Variants in PTPRM observed in about 807,000 individuals in gnomAD.
PTPRM encodes the protein receptor-type tyrosine-protein phosphatase mu.
PTPRM carries 47 observed loss-of-function variants against 186.7 expected under a neutral mutation model. The ratio of observed to expected loss-of-function variants is 0.25; its 90% CI spans 0.20 to 0.32. The LOEUF is 0.32. Among genes scored for constraint, PTPRM ranks in the 10% least tolerant of loss-of-function variants. PTPRM has a pLI of 1.00. For missense variants in PTPRM, 1,494 were observed against 1,865.0 expected (o/e 0.80, Z 3.66); for synonymous variants, 668 against 674.9 (o/e 0.99, Z 0.16).
chr18:8,177,459 G>C (rs1239685900), intron 14 of PTPRM, among the ~76,000 whole-genome samples: 1 of 152,222 alleles, frequency 6.6e-6, no homozygotes, highest in Non-Finnish European at 1.5e-5. Flanking sequence ...AGGCTGGGCT[G>C]GTTACAGCAG....
intron 5 of PTPRM, among the ~76,000 whole-genome samples, chr18:7,945,390 G>A (rs1041992112): frequency 2.6e-5 from 4 of 151,764 alleles, no homozygotes; most frequent in Admixed American, 1.3e-4. Context: ...GCGTGAACCC[G>A]GGAGGCAGAG....
chr18:8,339,415 G>C (rs748145819), intron 22 of PTPRM, among the ~76,000 whole-genome samples: 2 of 152,174 alleles, frequency 1.3e-5, no homozygotes, highest in South Asian at 2.1e-4. Context: ...ATCTGTAAAC[G>C]CACCACCACA....
intron 2 of PTPRM, among the ~76,000 whole-genome samples, chr18:7,864,452 G>A (rs1406647090): frequency 6.6e-6 from 1 of 152,156 alleles, no homozygotes; most frequent in East Asian, 1.9e-4. Flanking sequence ...ATTAAATAGG[G>A]AATCCTTTCC....
At chr18:7,595,141 G>T (rs1411169527) in intron 1 of PTPRM, among the ~76,000 whole-genome samples, 1 of 152,178 alleles carries the variant, frequency 6.6e-6, no homozygotes, top group African/African-American at 2.4e-5. Flanking sequence ...TCTTGGTTGT[G>T]ATCCTAGAGC....
chr18:7,807,655 C>A (rs2044299623), intron 2 of PTPRM, among the ~76,000 whole-genome samples: 1 of 152,072 alleles, frequency 6.6e-6, no homozygotes, highest in Non-Finnish European at 1.5e-5. Context: ...TTTTTGGAAG[C>A]CCCCAAGTGA....
intron 1 of PTPRM, among the ~76,000 whole-genome samples, chr18:7,674,594 C>T (rs1034650752): frequency 6.6e-6 from 1 of 152,132 alleles, no homozygotes; most frequent in South Asian, 2.1e-4. Flanking sequence ...CTGAGAAGGC[C>T]GAAGTTTGAG....
intron 24 of PTPRM, among the ~76,000 whole-genome samples, chr18:8,374,365 C>T (rs1598488002): frequency 6.6e-6 from 1 of 152,112 alleles, no homozygotes; most frequent in East Asian, 1.9e-4. Context: ...GAAAGATATG[C>T]CCCTTTTTTC....
intron 2 of PTPRM, among the ~76,000 whole-genome samples, chr18:7,778,768 C>G (rs2042713797): frequency 6.6e-6 from 1 of 152,218 alleles, no homozygotes; most frequent in Non-Finnish European, 1.5e-5. Context: ...GCATGAGCCA[C>G]TGCACCCAGC....
At chr18:7,710,788 C>G (rs572207952) in intron 1 of PTPRM, among the ~76,000 whole-genome samples, 16 of 152,106 alleles carry the variant, frequency 1.1e-4, no homozygotes, top group African/African-American at 3.1e-4. Flanking sequence ...AACTCAATCC[C>G]TTTTACAGCA....
At chr18:8,240,843 A>AAAGAAAG (rs1184807842) in intron 14 of PTPRM, among the ~76,000 whole-genome samples, 25 of 80,046 alleles carry the variant, frequency 3.1e-4, no homozygotes, top group African/African-American at 1.5e-3. Flanking sequence ...AGAAAGAAAG[A>AAAGAAAG]AAAGAAAGAA....
intron 1 of PTPRM, among the ~76,000 whole-genome samples, chr18:7,577,597 A>T (rs2036721671): frequency 6.6e-6 from 1 of 152,196 alleles, no homozygotes; most frequent in Non-Finnish European, 1.5e-5. Context: ...TTCCTTTTTC[A>T]TTCAGTGTAT....
chr18:7,876,302 A>G (rs766912459), intron 2 of PTPRM, among the ~76,000 whole-genome samples: 1 of 152,234 alleles, frequency 6.6e-6, no homozygotes, highest in Non-Finnish European at 1.5e-5. Flanking sequence ...TCTGTAATGC[A>G]TTCTCAATGA....
At chr18:7,805,503 C>T (rs1412366092) in intron 2 of PTPRM, among the ~76,000 whole-genome samples, 1 of 152,206 alleles carries the variant, frequency 6.6e-6, no homozygotes, top group Admixed American at 6.5e-5. Context: ...ACTATTAAAG[C>T]TTGAAGCGTT....
At chr18:8,269,108 GGAA>G (rs1275062914) in intron 19 of PTPRM, among the ~76,000 whole-genome samples, 1 of 151,940 alleles carries the variant, frequency 6.6e-6, no homozygotes, top group African/African-American at 2.4e-5. Flanking sequence ...AAATTGGAAA[GGAA>G]GAAGCAAAAT....
At chr18:7,964,130 A>C (rs1195928403) in intron 7 of PTPRM, among the ~76,000 whole-genome samples, 3 of 152,184 alleles carry the variant, frequency 2.0e-5, no homozygotes, top group Non-Finnish European at 4.4e-5. Context: ...GAGAGGTTAT[A>C]TTTTATGATC....
At chr18:8,046,327 C>A (rs1021750997) in intron 7 of PTPRM, among the ~76,000 whole-genome samples, 6 of 152,176 alleles carry the variant, frequency 3.9e-5, no homozygotes, top group African/African-American at 1.4e-4. Context: ...TTAGTGAAAT[C>A]TTCACTTGTC....
intron 14 of PTPRM, among the ~76,000 whole-genome samples, chr18:8,235,456 CTTTTTTT>C (rs58166609): frequency 9.8e-6 from 1 of 102,320 alleles, no homozygotes; most frequent in Non-Finnish European, 1.9e-5. Context: ...TCTGTGTCTT[CTTTTTTT>C]TTTTTTTTTT....
chr18:7,577,615 T>G (rs1386788531), intron 1 of PTPRM, among the ~76,000 whole-genome samples: 1 of 152,216 alleles, frequency 6.6e-6, no homozygotes, highest in Non-Finnish European at 1.5e-5. Flanking sequence ...TATCATACTC[T>G]CAAGTGATAA....
At chr18:7,794,876 TC>T in intron 2 of PTPRM, among the ~76,000 whole-genome samples, 1 of 152,276 alleles carries the variant, frequency 6.6e-6, no homozygotes. Flanking sequence ...TACCAACTGT[TC>T]CCTGGGGATA....
Sources: gnomAD v4.1 joint callset for allele counts (sites outside exome capture counted in the v4.1 genomes callset) on GRCh38, gnomAD v4.1.1 for gene constraint, MANE v1.5 for transcripts, NCBI Gene and HGNC (gene_info 2026-07-23, HGNC 2026-07-21) for gene names.